SLC7A2: variants seen among roughly 807,000 people sequenced by gnomAD.
The protein encoded by SLC7A2 is solute carrier family 7 member 2.
SLC7A2 carries 48 observed loss-of-function variants against 58.9 expected under a neutral mutation model. That is an observed-to-expected ratio of 0.82 (90% CI 0.65 to 1.04). SLC7A2 has a LOEUF of 1.04. Among genes scored for constraint, SLC7A2 ranks in the 50% least tolerant of loss-of-function variants. The pLI, the probability that SLC7A2 is intolerant of heterozygous loss-of-function variation, is 0.00. For synonymous variants in SLC7A2, 363 were observed against 314.5 expected, an observed-to-expected ratio of 1.15 and a Z score of -1.63; for missense variants, 1,029 against 818.8, an observed-to-expected ratio of 1.26 and a Z score of -3.13.
intron 2 of SLC7A2, among the ~76,000 whole-genome samples, chr8:17,524,058 C>G (rs979600928): frequency 6.6e-6 from 1 of 152,018 alleles, no homozygotes; most frequent in Non-Finnish European, 1.5e-5. Context: ...AATGCAATAC[C>G]ACCTCACTCC....
rs748750227 is a variant in SLC7A2, at chr8:17,558,378, G to A, written c.1279G>A (p.Ala427Thr). 17 of 1,612,212 alleles carry A rather than the reference G, an allele frequency of 1.1e-5. No individual in the cohort carries two copies. In the East Asian group the frequency reaches 2.9e-4, roughly 27 times the overall value. Residue 427 changes from alanine to threonine, a missense_variant, in exon 9 of 13, where the codon GCC becomes ACC. Transcript: ENST00000494857. Reference sequence around the variant, plus strand: ...ACTCATGGCCTACTCTCTGGTGGCAGCCTGTGTTCTCATCCTCAGGTGAGT... The same window carrying A: ...ACTCATGGCCTACTCTCTGGTGGCAACCTGTGTTCTCATCCTCAGGTGAGT... ...GTLMAYSLVA[A>T]CVLILRYQPG...
chr8:17,506,512 C>T (rs770040901), intron 2 of SLC7A2, among the ~76,000 whole-genome samples: 10 of 152,080 alleles, frequency 6.6e-5, no homozygotes, highest in South Asian at 4.1e-4. Flanking sequence ...CCTCCCTCGC[C>T]GTGGACAGTT....
chr8:17,538,908 C>A, intron 2 of SLC7A2: 1 of 1,613,356 alleles, frequency 6.2e-7, no homozygotes, highest in South Asian at 1.1e-5. Flanking sequence ...CGGTTTGCGA[C>A]AGCAAGTTTC....
chr8:17,563,725 T>A lies in SLC7A2; in HGVS notation c.1780+14T>A, dbSNP rs1236650200. On this transcript the variant is annotated intron_variant, in intron 12 of 12. Transcript: ENST00000494857. ...GGATGGCAATTGGTAGGTCTTTTAA[T>A]GTCGGGTTCTCTTTCCTATTTCATG... The A allele has an allele frequency of 1.4e-6, 2 of 1,430,872 alleles. No individual in the cohort carries two copies. The highest frequency in any genetic ancestry group is 2.0e-6 in the Non-Finnish European group (2 of 1,014,468). 88.6% of individuals were successfully genotyped at this position (1,430,872 alleles called of 1,614,324 possible). A position where few individuals can be genotyped will look rare whatever the true frequency, so the allele number is the denominator to read the frequency against.
chr8:17,510,993 T>A (rs1220647090), intron 2 of SLC7A2: 2 of 151,860 alleles, frequency 1.3e-5, no homozygotes, highest in Non-Finnish European at 1.5e-5. Context: ...AGCAAACTAA[T>A]ACAGGAACAG....
At position 17,565,413 on chromosome 8, in the gene SLC7A2, T is replaced by G. The variant is rs1442371765; in HGVS notation, c.*267T>G. 2 of 342,308 alleles carry G rather than the reference T, an allele frequency of 5.8e-6. No individual in the cohort carries two copies. Among genetic ancestry groups the G allele is most frequent in the African/African-American group, 2.1e-5 (1 of 48,020 alleles). The allele number at this position is 342,308 out of a possible 1,614,324, so 21.2% of individuals were successfully genotyped here. A position where few individuals can be genotyped will look rare whatever the true frequency, so the allele number is the denominator to read the frequency against. On this transcript the variant is annotated 3_prime_UTR_variant, in exon 13 of 13. Transcript: ENST00000494857. Reference sequence around the variant, plus strand: ...ATGTATGTGTGTATGTATGTATCTATGTATATGCTTGGGAACATGAGTGTT... The same window carrying G: ...ATGTATGTGTGTATGTATGTATCTAGGTATATGCTTGGGAACATGAGTGTT...
chr8:17,538,947 G>A lies in SLC7A2; in HGVS notation c.-22-4371G>A. 1.9e-6 allele frequency: 3 copies of A among 1,602,758 alleles called. No homozygotes were observed. The East Asian group carries it at 6.7e-5, about 36-fold the overall frequency. On this transcript the variant is annotated intron_variant, in intron 2 of 12. Coordinates refer to ENST00000494857, the MANE Select transcript of SLC7A2 (RefSeq NM_001370338.1). Reference sequence around the variant, plus strand: ...TGTAAGATTTATTGTCAGGGCCTGGGATACTGATATAGAAGATTAAGTTTG... The same window carrying A: ...TGTAAGATTTATTGTCAGGGCCTGGAATACTGATATAGAAGATTAAGTTTG...
intron 5 of SLC7A2, 25 bp downstream of exon 5, chr8:17,548,868 T>G: frequency 3.2e-6 from 5 of 1,569,850 alleles, no homozygotes; most frequent in Non-Finnish European, 4.3e-6. Context: ...GTTTTTTTTT[T>G]TCTCCTTCTT....
chr8:17,564,156 C>A (rs545026295), intron 12 of SLC7A2, among the ~76,000 whole-genome samples: 1 of 152,142 alleles, frequency 6.6e-6, no homozygotes, highest in Non-Finnish European at 1.5e-5. Context: ...GACAGTGACA[C>A]GTGTAAAGCA....
chr8:17,533,143 G>A (rs967383229), intron 2 of SLC7A2, among the ~76,000 whole-genome samples: 1 of 152,134 alleles, frequency 6.6e-6, no homozygotes, highest in Non-Finnish European at 1.5e-5. Flanking sequence ...CACAATGGGA[G>A]TATTTTATTC....
intron 2 of SLC7A2, among the ~76,000 whole-genome samples, chr8:17,538,068 C>A (rs978266005): frequency 2.6e-5 from 4 of 152,202 alleles, no homozygotes; most frequent in Non-Finnish European, 4.4e-5. Context: ...CCAGAATTCT[C>A]TATCAGCCCT....
chr8:17,540,978 A>G (rs1801887880), intron 2 of SLC7A2, among the ~76,000 whole-genome samples: 2 of 152,144 alleles, frequency 1.3e-5, no homozygotes, highest in Admixed American at 1.3e-4. Flanking sequence ...GGCATGTTTT[A>G]TTTGGTTAAA....
intron 2 of SLC7A2, among the ~76,000 whole-genome samples, chr8:17,508,159 A>G (rs1400084567): frequency 6.6e-6 from 1 of 152,000 alleles, no homozygotes; most frequent in African/African-American, 2.4e-5. Flanking sequence ...GATGGTTTGC[A>G]CTTAGTTCAG....
chr8:17,554,529 G>T, intron 7 of SLC7A2, 31 bp from the exon 8 acceptor site: 1 of 1,541,908 alleles, frequency 6.5e-7, no homozygotes, highest in South Asian at 1.3e-5. Context: ...ATGAATGTTT[G>T]CCATACTGCA....
intron 4 of SLC7A2, among the ~76,000 whole-genome samples, chr8:17,547,329 T>C (rs1802220456): frequency 6.6e-6 from 1 of 152,054 alleles, no homozygotes; most frequent in Non-Finnish European, 1.5e-5. Context: ...GTATTCAGTA[T>C]CATGAGAACA....
At chr8:17,495,664 C>T (rs560778804), upstream of SLC7A2, among the ~76,000 whole-genome samples, 15 of 152,320 alleles carry the variant, frequency 9.8e-5, no homozygotes, top group African/African-American at 3.4e-4. Flanking sequence ...ATTCTCCTGC[C>T]TCAACCTCCC....
At chr8:17,550,114 G>A (rs1802375446) in intron 5 of SLC7A2, among the ~76,000 whole-genome samples, 187 bp from the exon 6 acceptor site, 1 of 152,080 alleles carries the variant, frequency 6.6e-6, no homozygotes, top group Non-Finnish European at 1.5e-5. Flanking sequence ...GACACAGGAG[G>A]GTCACTGTTA....
rs929968724 is a variant in SLC7A2 at position 17,567,206 on chromosome 8, C to T, written c.*2060C>T. On this transcript the variant is annotated 3_prime_UTR_variant, in exon 13 of 13. Transcript: ENST00000494857. ...TTTTGGTAGGGACTGTAGGCATGCT[C>T]ATAAATCCTTGCTGTTGTCACAGTA... is the stretch of plus-strand genomic sequence containing the variant. 7.9e-5 allele frequency: 12 copies of T among 152,552 alleles called. No homozygotes were observed. Among genetic ancestry groups the T allele is most frequent in the Admixed American group, 4.6e-4 (7 of 15,276 alleles). The allele number at this position is 152,552 out of a possible 1,614,324, so 9.4% of individuals were successfully genotyped here.
In SLC7A2 at chr8:17,543,382, A is replaced by T. The variant is rs1340530540; in HGVS notation, c.43A>T (p.Ile15Phe). The T allele has an allele frequency of 6.2e-7, 1 of 1,614,128 alleles. No homozygotes were observed. Among genetic ancestry groups the T allele is most frequent in the East Asian group, 2.2e-5 (1 of 44,876 alleles). ...RAALTFARCL[I>F]RRKIVTLDSL... Reference sequence around the variant, plus strand: ...CGCGCTGACCTTTGCCCGATGTCTGATCCGGAGAAAAATCGTGACCCTGGA... The same window carrying T: ...CGCGCTGACCTTTGCCCGATGTCTGTTCCGGAGAAAAATCGTGACCCTGGA... Residue 15 changes from isoleucine to phenylalanine, a missense_variant, in exon 3 of 13, where the codon ATC becomes TTC. Transcript: ENST00000494857.
Sources: gnomAD v4.1 joint callset for allele counts (sites outside exome capture counted in the v4.1 genomes callset) on GRCh38, gnomAD v4.1.1 for gene constraint, MANE v1.5 for transcripts, NCBI Gene and HGNC (gene_info 2026-07-23, HGNC 2026-07-21) for gene names.